ABCB4: variants seen among roughly 807,000 people sequenced by gnomAD.
The protein encoded by ABCB4 is phosphatidylcholine translocator ABCB4.
A neutral mutation model predicts 145.7 loss-of-function variants in ABCB4; 76 were observed. The observed-to-expected ratio is 0.52, with a 90% CI of 0.43 to 0.63. The LOEUF is 0.63. ABCB4 is among the 30% of genes least tolerant of loss of function. The pLI, the probability that ABCB4 is intolerant of heterozygous loss-of-function variation, is 0.00. For synonymous variants in ABCB4, 517 were observed against 566.8 expected (o/e 0.91, Z 1.25); for missense variants, 1,234 against 1,553.1 (o/e 0.79, Z 3.45).
intron 14 of ABCB4, among the ~76,000 whole-genome samples, chr7:87,436,980 C>A (rs1207977571): frequency 6.6e-6 from 1 of 152,152 alleles, no homozygotes; most frequent in East Asian, 1.9e-4. Context: ...GGTCTTTGAG[C>A]CAGATGCTAT....
intron 3 of ABCB4, among the ~76,000 whole-genome samples, chr7:87,463,439 T>C (rs998549595): frequency 6.6e-6 from 1 of 152,202 alleles, no homozygotes. Flanking sequence ...TGTGTCTATA[T>C]ATGCACCTTA....
chr7:87,377,088 A>G, the ABCB4 span, among the ~76,000 whole-genome samples: 2 of 152,270 alleles, frequency 1.3e-5, no homozygotes, highest in East Asian at 3.9e-4. Flanking sequence ...GTAAACATTC[A>G]TGAATATTGT....
intron 4 of ABCB4, among the ~76,000 whole-genome samples, chr7:87,459,958 G>T (rs143274023): frequency 3.2e-4 from 48 of 152,342 alleles, no homozygotes; most frequent in African/African-American, 1.1e-3. Flanking sequence ...AGTAGGGGCA[G>T]TGGAGATATG....
At chr7:87,376,004 C>T in the ABCB4 span, 1 of 1,495,058 alleles carries the variant, frequency 6.7e-7, no homozygotes. Context: ...TTCTGGAAGA[C>T]TCATATTTAT....
the ABCB4 span, among the ~76,000 whole-genome samples, chr7:87,379,379 C>T: frequency 6.6e-6 from 1 of 152,046 alleles, no homozygotes; most frequent in Non-Finnish European, 1.5e-5. Context: ...AGTTGTGTTT[C>T]ATTATATGTT....
chr7:87,451,014 T>A (rs1251875502), intron 7 of ABCB4, among the ~76,000 whole-genome samples: 2 of 152,186 alleles, frequency 1.3e-5, no homozygotes, highest in Admixed American at 6.5e-5. Context: ...CAGGTAATGA[T>A]TAAAACAAAT....
At chr7:87,457,697 T>C (rs1350577744) in intron 4 of ABCB4, among the ~76,000 whole-genome samples, 3 of 152,194 alleles carry the variant, frequency 2.0e-5, no homozygotes, top group Non-Finnish European at 4.4e-5. Flanking sequence ...AATTGATGCT[T>C]ACCTCTCAAA....
At chr7:87,390,265 G>A in the ABCB4 span, among the ~76,000 whole-genome samples, 43 of 152,174 alleles carry the variant, frequency 2.8e-4, no homozygotes, top group African/African-American at 9.4e-4. Context: ...TTAAGAGTGT[G>A]TTTACTTGTC....
downstream of ABCB4, among the ~76,000 whole-genome samples, chr7:87,400,706 C>T (rs1807744188): frequency 1.3e-5 from 2 of 152,150 alleles, no homozygotes. Context: ...TGAGTGCTGA[C>T]ATAAGGAAAT....
intron 20 of ABCB4, among the ~76,000 whole-genome samples, chr7:87,417,769 G>T (rs1486638911): frequency 6.6e-6 from 1 of 152,192 alleles, no homozygotes; most frequent in African/African-American, 2.4e-5. Flanking sequence ...CAACTTCTCT[G>T]CTTTGTGGAT....
In ABCB4 at chr7:87,439,882, A is replaced by T. The variant is rs778631204; in HGVS notation, c.1561-45T>A. 4.3e-6 allele frequency: 7 copies of T among 1,612,834 alleles called. No individual in the cohort carries two copies. The African/African-American group carries it at 6.7e-5, about 15-fold the overall frequency. ...TCAGCTCTTGAAGTAACTTAAATTT[A>T]AAAAGGCTAGGAATTCTATAGAACT... On this transcript the variant is annotated intron_variant, in intron 13 of 27. Coordinates refer to ENST00000649586, the MANE Select transcript of ABCB4 (RefSeq NM_000443.4).
chr7:87,392,695 T>G, the ABCB4 span: 1 of 1,611,230 alleles, frequency 6.2e-7, no homozygotes, highest in Non-Finnish European at 8.5e-7. Context: ...GGTGAAAAAT[T>G]TTTTTCTAAC....
chr7:87,420,063 C>G lies in ABCB4; in HGVS notation c.2329G>C (p.Gly777Arg). Reference protein sequence around the residue: ...FTFFLQGFTFGKAGEILTRRL... With the variant: ...FTFFLQGFTFRKAGEILTRRL... ...CTGGTGAGGATCTCGCCAGCTTTCC[C>G]AAACGTGAAACCCTGGTTGAGAAAA... is the stretch of plus-strand genomic sequence containing the variant. The change falls in exon 19 of 28, where the codon GGG becomes CGG. Residue 777 changes from glycine to arginine, a missense_variant. Gly to Arg is a moderately radical substitution (Grantham distance 125). Around this residue, in one of 7 missense-constraint regions of ABCB4, gnomAD observed 321 missense variants for 332.6 expected, o/e 0.97. Transcript: ENST00000649586. 1 of 1,614,022 alleles carries G rather than the reference C, an allele frequency of 6.2e-7. No homozygotes were observed. The highest frequency in any genetic ancestry group is 8.5e-7 in the Non-Finnish European group (1 of 1,179,956).
At chr7:87,422,352 T>C in intron 17 of ABCB4, 127 bp from the exon 18 acceptor site, 1 of 769,942 alleles carries the variant, frequency 1.3e-6, no homozygotes, top group Non-Finnish European at 2.2e-6. Flanking sequence ...TTTTGGTAAT[T>C]GTGGTAAAAT....
At chr7:87,398,766 A>C (rs541090724), downstream of ABCB4, 1 of 908,248 alleles carries the variant, frequency 1.1e-6, no homozygotes, top group Admixed American at 2.8e-5. Context: ...AAGTTAAGAA[A>C]ACTTGTTAAA....
In ABCB4 at chr7:87,452,033, A is replaced by G. The variant is rs2072383; in HGVS notation, c.537-239T>C. On this transcript the variant is annotated intron_variant, in intron 6 of 27. Coordinates refer to ENST00000649586, the MANE Select transcript of ABCB4 (RefSeq NM_000443.4). ...TAAGTTGATACTATTAAATGAGTCA[A>G]TCCTATGAGAGAAGCATTAACATTT... Among the ~76,000 whole-genome samples the G allele has an allele frequency of 0.19, 28,443 of 152,158 alleles. 3,030 individuals carry two copies. The highest frequency in any genetic ancestry group is 0.29 in the African/African-American group (12,102 of 41,482).
intron 24 of ABCB4, 71 bp downstream of exon 24, chr7:87,409,165 A>G (rs1808422373): frequency 5.8e-6 from 9 of 1,547,048 alleles, no homozygotes; most frequent in Non-Finnish European, 8.0e-6. Flanking sequence ...CTTATCCTGT[A>G]GCTATAATCT....
At chr7:87,463,266 C>T (rs1190717146) in intron 3 of ABCB4, among the ~76,000 whole-genome samples, 2 of 152,062 alleles carry the variant, frequency 1.3e-5, no homozygotes, top group Non-Finnish European at 2.9e-5. Flanking sequence ...CACACACACA[C>T]ACACACACAC....
chr7:87,407,906 G>T (rs1232431874), intron 25 of ABCB4, 131 bp downstream of exon 25: 4 of 1,156,564 alleles, frequency 3.5e-6, no homozygotes, highest in East Asian at 2.4e-5. Context: ...GCCAGTTGGG[G>T]TTTATAGAAT....
Sources: allele counts gnomAD v4.1 joint callset (sites outside exome capture counted in the v4.1 genomes callset), GRCh38; gene constraint gnomAD v4.1.1; regional missense constraint gnomAD v4.1.1; transcripts MANE v1.5; gene names NCBI Gene and HGNC (gene_info 2026-07-23, HGNC 2026-07-21).